The following AMMECR1 variants were observed in gnomAD, a reference collection of about 807,000 sequenced individuals.
The protein encoded by AMMECR1 is AMMECR nuclear protein 1, also known as nuclear protein AMMECR1.
In AMMECR1, 3 loss-of-function variants were observed where a neutral mutation model predicts 22.5. That is an observed-to-expected ratio of 0.13 (90% CI 0.06 to 0.35). AMMECR1 has a LOEUF of 0.35. Among genes scored for constraint, AMMECR1 ranks in the 10% least tolerant of loss-of-function variants. The pLI, the probability that AMMECR1 is intolerant of heterozygous loss-of-function variation, is 1.00. For synonymous variants in AMMECR1, 130 were observed against 116.7 expected (o/e 1.11, Z -0.74); for missense variants, 235 against 278.7 (o/e 0.84, Z 1.12).
intron 2 of AMMECR1, chrX:110,219,736 C>T: frequency 2.6e-5 from 8 of 303,013 alleles, no homozygotes; most frequent in Non-Finnish European, 3.5e-5. Flanking sequence ...TTTCAAAACT[C>T]TGAAATAGTA....
intron 2 of AMMECR1, among the ~76,000 whole-genome samples, chrX:110,379,816 G>A (rs146553814): frequency 2.8e-3 from 312 of 112,151 alleles, no homozygotes; most frequent in Admixed American, 4.5e-3. Context: ...CCTTTGAGTG[G>A]TCTTTTCAAA....
chrX:110,394,582 G>A (rs756608433), intron 2 of AMMECR1, among the ~76,000 whole-genome samples: 1 of 112,629 alleles, frequency 8.9e-6, no homozygotes, highest in South Asian at 3.6e-4. Context: ...TTTGTTATTC[G>A]TTGTTTCACT....
intron 1 of AMMECR1, among the ~76,000 whole-genome samples, chrX:110,265,971 C>T (rs2067766527): frequency 9.0e-6 from 1 of 111,518 alleles, no homozygotes; most frequent in Non-Finnish European, 1.9e-5. Flanking sequence ...TAAGAGTTAC[C>T]ATCTTCCAAG....
intron 3 of AMMECR1, among the ~76,000 whole-genome samples, chrX:110,213,059 T>C (rs769126112): frequency 8.9e-6 from 1 of 112,521 alleles, no homozygotes; most frequent in East Asian, 2.8e-4. Flanking sequence ...AAATTGCTAT[T>C]ATGAACAGAA....
At chrX:110,301,361 C>T (rs1412929309) in intron 1 of AMMECR1, among the ~76,000 whole-genome samples, 1 of 112,572 alleles carries the variant, frequency 8.9e-6, no homozygotes, top group Non-Finnish European at 1.9e-5. Flanking sequence ...GCCTTCACTT[C>T]CTGCTTGCAC....
At chrX:110,220,839 T>G (rs1161167735) in intron 2 of AMMECR1, among the ~76,000 whole-genome samples, 1 of 112,012 alleles carries the variant, frequency 8.9e-6, no homozygotes, top group Admixed American at 9.5e-5. Context: ...AGAAAAGATA[T>G]TAAGAGTTTA....
intron 1 of AMMECR1, among the ~76,000 whole-genome samples, chrX:110,302,351 C>A (rs1042742195): frequency 9.0e-6 from 1 of 110,686 alleles, no homozygotes; most frequent in African/African-American, 3.3e-5. Flanking sequence ...GAAAAAAAAA[C>A]TTGGAAGTCA....
intron 1 of AMMECR1, among the ~76,000 whole-genome samples, chrX:110,266,688 T>C (rs5942912): frequency 0.27 from 28,365 of 105,426 alleles, 3,853 homozygotes; most frequent in East Asian, 0.93. Context: ...GCCTGTCTCT[T>C]TTTTTTTTTT....
intron 2 of AMMECR1, among the ~76,000 whole-genome samples, chrX:110,406,525 G>A (rs1042037944): frequency 9.0e-6 from 1 of 111,602 alleles, no homozygotes; most frequent in Non-Finnish European, 1.9e-5. Flanking sequence ...ATTTGGGTTG[G>A]TTCCAAGTCT....
chrX:110,409,846 A>G (rs1044873554), intron 2 of AMMECR1, among the ~76,000 whole-genome samples: 13 of 111,301 alleles, frequency 1.2e-4, no homozygotes, highest in African/African-American at 4.3e-4. Context: ...ATAAGTACAG[A>G]GGGAGGTATT....
chrX:110,249,108 A>G (rs2067673775), intron 2 of AMMECR1, among the ~76,000 whole-genome samples: 1 of 111,994 alleles, frequency 8.9e-6, no homozygotes, highest in Non-Finnish European at 1.9e-5. Context: ...TCAAGATTCT[A>G]AAAGGAAAGA....
intron 1 of AMMECR1, among the ~76,000 whole-genome samples, chrX:110,274,381 C>T (rs1411920626): frequency 1.8e-5 from 2 of 111,571 alleles, no homozygotes; most frequent in Non-Finnish European, 3.8e-5. Context: ...GTTTTGTCTA[C>T]TTATCCTTTT....
intron 3 of AMMECR1, among the ~76,000 whole-genome samples, chrX:110,207,644 A>G (rs763894765): frequency 1.8e-5 from 2 of 111,814 alleles, no homozygotes; most frequent in Admixed American, 9.5e-5. Context: ...TTGAAAAGCA[A>G]TTCTGGAGTT....
intron 4 of AMMECR1, among the ~76,000 whole-genome samples, chrX:110,202,092 T>C (rs1184698781): frequency 8.9e-6 from 1 of 112,425 alleles, no homozygotes; most frequent in African/African-American, 3.2e-5. Context: ...CAAAGAACTA[T>C]GTGGCTGATT....
At chrX:110,305,644 T>C (rs189799297) in intron 1 of AMMECR1, 2 of 111,674 alleles carry the variant, frequency 1.8e-5, no homozygotes, top group East Asian at 2.8e-4. Context: ...TAGAAACAAG[T>C]GTGTATACTG....
intron 2 of AMMECR1, among the ~76,000 whole-genome samples, chrX:110,414,968 A>G (rs918371849): frequency 7.2e-5 from 8 of 111,601 alleles, no homozygotes; most frequent in African/African-American, 2.6e-4. Flanking sequence ...AAGCATATAT[A>G]TATATATTCT....
intron 1 of AMMECR1, among the ~76,000 whole-genome samples, chrX:110,298,975 A>G (rs1003408765): frequency 8.9e-6 from 1 of 112,185 alleles, no homozygotes; most frequent in African/African-American, 3.2e-5. Context: ...TAAGGTCCTT[A>G]ATTAATTTTC....
chrX:110,375,778 AT>A (rs2068372337), intron 2 of AMMECR1, among the ~76,000 whole-genome samples: 1 of 112,262 alleles, frequency 8.9e-6, no homozygotes, highest in South Asian at 3.7e-4. Context: ...TGGGCTAATG[AT>A]TTCAAGTTTT....
chrX:110,299,841 C>A (rs2067956563), intron 1 of AMMECR1, among the ~76,000 whole-genome samples: 1 of 111,849 alleles, frequency 8.9e-6, no homozygotes, highest in African/African-American at 3.2e-5. Flanking sequence ...ATAATGTTTT[C>A]CAGGTTCACT....
Sources: gnomAD v4.1 joint callset for allele counts (sites outside exome capture counted in the v4.1 genomes callset) on GRCh38, gnomAD v4.1.1 for gene constraint, MANE v1.5 for transcripts, NCBI Gene and HGNC (gene_info 2026-07-23, HGNC 2026-07-21) for gene names.